The following ARHGAP18 variants were observed in gnomAD, a reference collection of about 807,000 sequenced individuals.
ARHGAP18 encodes the protein rho GTPase-activating protein 18.
A neutral mutation model predicts 86.2 loss-of-function variants in ARHGAP18; 67 were observed. The observed-to-expected ratio is 0.78, with a 90% confidence interval of 0.64 to 0.95. ARHGAP18 has a LOEUF of 0.95. ARHGAP18 is among the 40% of genes least tolerant of loss of function. The pLI is 0.00. For synonymous variants in ARHGAP18, 283 were observed against 280.4 expected, an observed-to-expected ratio of 1.01 and a Z score of -0.09; for missense variants, 691 against 780.4, an observed-to-expected ratio of 0.89 and a Z score of 1.37.
At chr6:129,598,160 C>A (rs1332014744) in intron 12 of ARHGAP18, among the ~76,000 whole-genome samples, 1 of 150,442 alleles carries the variant, frequency 6.6e-6, no homozygotes, top group East Asian at 1.9e-4. Flanking sequence ...TAACCAAATG[C>A]CAAAAAAAAA....
intron 3 of ARHGAP18, among the ~76,000 whole-genome samples, chr6:129,636,500 A>AT: frequency 6.6e-6 from 1 of 152,358 alleles, no homozygotes; most frequent in East Asian, 1.9e-4. Flanking sequence ...AAATGCAAAT[A>AT]TACCAGGATA....
At chr6:129,595,389 T>G (rs1232094666) in intron 12 of ARHGAP18, among the ~76,000 whole-genome samples, 1 of 152,190 alleles carries the variant, frequency 6.6e-6, no homozygotes, top group African/African-American at 2.4e-5. Context: ...ATCTCTAATT[T>G]TGGTCAGTGT....
At position 129,638,415 on chromosome 6, in the gene ARHGAP18, T is replaced by C. The variant is rs1217982305; in HGVS notation, c.531A>G (p.Gln177=). 1 of 1,614,108 alleles carries C rather than the reference T, an allele frequency of 6.2e-7. No homozygotes were observed. The highest frequency in any genetic ancestry group is 1.1e-5 in the South Asian group (1 of 91,046). The change falls in exon 3 of 15, where the codon CAA becomes CAG. Residue 177 remains glutamine (Q), a synonymous_variant. Coordinates refer to ENST00000368149, the MANE Select transcript of ARHGAP18 (RefSeq NM_033515.3). ...CTACTGTTTCTTTTGATTCTCTCTG[T>C]TGAGCAAATATGTCTCTGACGTCAG... ...QIPDVRDIFA[Q]QRESKETAPG... is the part of the protein sequence containing the mutation.
intron 7 of ARHGAP18, among the ~76,000 whole-genome samples, chr6:129,612,736 T>C (rs112295664): frequency 0.014 from 2,077 of 152,318 alleles, 52 homozygotes; most frequent in African/African-American, 0.047. Flanking sequence ...TATATTGTAG[T>C]ATGTGGACAC....
intron 12 of ARHGAP18, among the ~76,000 whole-genome samples, chr6:129,594,748 C>T (rs1788582468): frequency 6.6e-6 from 1 of 152,182 alleles, no homozygotes; most frequent in African/African-American, 2.4e-5. Flanking sequence ...CACATCCAAC[C>T]AGTATCCACA....
At chr6:129,699,138 G>A (rs1226328131) in intron 1 of ARHGAP18, among the ~76,000 whole-genome samples, 7 of 152,240 alleles carry the variant, frequency 4.6e-5, no homozygotes, top group South Asian at 2.1e-4. Context: ...ACACCCAGCC[G>A]AAGCACTTCT....
intron 5 of ARHGAP18, among the ~76,000 whole-genome samples, chr6:129,625,823 T>C (rs1382129146): frequency 1.2e-5 from 1 of 82,238 alleles, no homozygotes; most frequent in Non-Finnish European, 2.1e-5. Context: ...TATTTATATA[T>C]TATATATTAT....
rs892300903 is a variant in ARHGAP18, at chr6:129,578,657, A to G, written c.1901-53T>C. On this transcript the variant is annotated intron_variant, in intron 14 of 14. Transcript: ENST00000368149. Reference sequence around the variant, plus strand: ...AATACAGCAGGTAGATTGGTATGCAATTTTAAACTTAAGCTTAATTATTTA... The same window carrying G: ...AATACAGCAGGTAGATTGGTATGCAGTTTTAAACTTAAGCTTAATTATTTA... The G allele has an allele frequency of 8.5e-6, 12 of 1,414,824 alleles. No homozygotes were observed. The African/African-American group carries it at 1.7e-4, about 20-fold the overall frequency. 87.6% of individuals were successfully genotyped at this position (1,414,824 alleles called of 1,614,324 possible). A position where few individuals can be genotyped will look rare whatever the true frequency, so the allele number is the denominator to read the frequency against.
chr6:129,701,393 G>T (rs1774708086), intron 1 of ARHGAP18, among the ~76,000 whole-genome samples: 1 of 152,170 alleles, frequency 6.6e-6, no homozygotes, highest in East Asian at 1.9e-4. Flanking sequence ...AAAAGATCCA[G>T]AACAAGCCAG....
At chr6:129,607,584 T>C (rs1401195556) in intron 9 of ARHGAP18, among the ~76,000 whole-genome samples, 1 of 151,396 alleles carries the variant, frequency 6.6e-6, no homozygotes, top group Non-Finnish European at 1.5e-5. Context: ...AGATCTTATG[T>C]GACTCATTCT....
chr6:129,609,094 A>T (rs1385041415), intron 8 of ARHGAP18, among the ~76,000 whole-genome samples: 1 of 142,520 alleles, frequency 7.0e-6, no homozygotes, highest in East Asian at 2.4e-4. Flanking sequence ...CATGGAGGGA[A>T]AGAATGAGGG....
intron 13 of ARHGAP18, among the ~76,000 whole-genome samples, chr6:129,580,610 G>T (rs1024571578): frequency 2.6e-5 from 4 of 152,172 alleles, no homozygotes; most frequent in East Asian, 3.9e-4. Context: ...CTTCTGACTG[G>T]GTGTGAAGGC....
chr6:129,707,016 C>T (rs1317746252), intron 1 of ARHGAP18, among the ~76,000 whole-genome samples: 3 of 151,088 alleles, frequency 2.0e-5, no homozygotes, highest in Non-Finnish European at 4.4e-5. Context: ...CACCTGAAGT[C>T]GGGAGTTCGA....
chr6:129,695,642 T>C (rs563930276), intron 1 of ARHGAP18, among the ~76,000 whole-genome samples: 14 of 152,324 alleles, frequency 9.2e-5, no homozygotes, highest in African/African-American at 3.1e-4. Context: ...TGAAGGTTTA[T>C]TTCCCTAAAT....
chr6:129,676,913 C>CTTTT (rs1562721123), intron 1 of ARHGAP18, among the ~76,000 whole-genome samples: 1 of 34,564 alleles, frequency 2.9e-5, no homozygotes, highest in African/African-American at 8.5e-5. Flanking sequence ...ATTTTTTGTC[C>CTTTT]TCTTTTTTTT....
At chr6:129,603,531 G>C (rs1788792137) in intron 10 of ARHGAP18, among the ~76,000 whole-genome samples, 1 of 152,096 alleles carries the variant, frequency 6.6e-6, no homozygotes, top group Admixed American at 6.6e-5. Context: ...CTTAGTAGCT[G>C]GGTATGATGT....
chr6:129,639,636 A>T lies in ARHGAP18; in HGVS notation c.317-1007T>A, dbSNP rs545225967. 3.1e-3 allele frequency among the ~76,000 whole-genome samples: 476 copies of T among 152,336 alleles called. 4 individuals are homozygous for T. Among genetic ancestry groups the T allele is most frequent in the Non-Finnish European group, 3.5e-3 (240 of 68,036 alleles). On this transcript the variant is annotated intron_variant, in intron 2 of 14. Coordinates refer to ENST00000368149, the MANE Select transcript of ARHGAP18 (RefSeq NM_033515.3). ...TCCTACCTGTCTGTCTTTCTATACTATATAAACTTCTTGACGGCAGAAATC... is the reference window on the plus strand; with the variant it reads ...TCCTACCTGTCTGTCTTTCTATACTTTATAAACTTCTTGACGGCAGAAATC...
At chr6:129,594,144 T>TTA (rs1489221587) in intron 12 of ARHGAP18, among the ~76,000 whole-genome samples, 1 of 152,282 alleles carries the variant, frequency 6.6e-6, no homozygotes, top group East Asian at 1.9e-4. Context: ...TGAAGAATGT[T>TTA]TATGATCTAT....
intron 10 of ARHGAP18, among the ~76,000 whole-genome samples, chr6:129,603,353 A>G (rs1281647655): frequency 1.3e-5 from 2 of 152,104 alleles, no homozygotes; most frequent in Non-Finnish European, 2.9e-5. Context: ...GTAGTATTAC[A>G]TGGTGTATGT....
Sources: gnomAD v4.1 joint callset for allele counts (sites outside exome capture counted in the v4.1 genomes callset) on GRCh38, gnomAD v4.1.1 for gene constraint, MANE v1.5 for transcripts, NCBI Gene and HGNC (gene_info 2026-07-23, HGNC 2026-07-21) for gene names.